The following LRRC7 variants were observed in gnomAD, a reference collection of about 807,000 sequenced individuals.
The protein encoded by LRRC7 is leucine-rich repeat-containing protein 7.
LRRC7 carries 23 observed loss-of-function variants against 175.7 expected under a neutral mutation model. That is an observed-to-expected ratio of 0.13 (90% CI 0.09 to 0.19). The LOEUF (loss-of-function observed/expected upper bound fraction) is 0.19, where lower values mean the gene tolerates loss of function less well. Among genes scored for constraint, LRRC7 ranks in the 10% least tolerant of loss-of-function variants. LRRC7 has a pLI of 1.00. For missense variants in LRRC7, 1,354 were observed against 1,904.7 expected, an observed-to-expected ratio of 0.71 and a Z score of 5.38; for synonymous variants, 685 against 680.9, an observed-to-expected ratio of 1.01 and a Z score of -0.09.
At chr1:69,580,137 G>A (rs1646135992) in intron 1 of LRRC7, among the ~76,000 whole-genome samples, 1 of 152,078 alleles carries the variant, frequency 6.6e-6, no homozygotes, top group Non-Finnish European at 1.5e-5. Flanking sequence ...GGAGTTGTTT[G>A]TTAATAGAGA....
chr1:69,629,562 C>T (rs1417344314), intron 1 of LRRC7, among the ~76,000 whole-genome samples: 4 of 152,106 alleles, frequency 2.6e-5, no homozygotes, highest in East Asian at 3.9e-4. Context: ...TTCAAACACA[C>T]AGAGATTCTA....
chr1:69,800,977 A>AT (rs1676412744), intron 4 of LRRC7, among the ~76,000 whole-genome samples: 1 of 151,792 alleles, frequency 6.6e-6, no homozygotes, highest in Non-Finnish European at 1.5e-5. Flanking sequence ...CTTTTTCTCT[A>AT]TCTATTGAGA....
At chr1:69,958,230 T>C (rs1310325263) in intron 8 of LRRC7, among the ~76,000 whole-genome samples, 1 of 152,006 alleles carries the variant, frequency 6.6e-6, no homozygotes, top group African/African-American at 2.4e-5. Flanking sequence ...TTTTTTCCTC[T>C]CTAATTTGCT....
intron 4 of LRRC7, among the ~76,000 whole-genome samples, chr1:69,808,983 T>A (rs990388602): frequency 2.0e-5 from 3 of 151,918 alleles, no homozygotes; most frequent in African/African-American, 7.3e-5. Context: ...AATCAATGAA[T>A]CCAGGAGCTG....
intron 2 of LRRC7, among the ~76,000 whole-genome samples, chr1:69,685,474 T>C (rs1247109604): frequency 2.0e-5 from 3 of 151,914 alleles, no homozygotes; most frequent in Non-Finnish European, 1.5e-5. Context: ...GACAATTATA[T>C]AATCTCTTGA....
chr1:70,085,205 C>T (rs1186986526), intron 24 of LRRC7, among the ~76,000 whole-genome samples: 1 of 152,006 alleles, frequency 6.6e-6, no homozygotes, highest in Non-Finnish European at 1.5e-5. Context: ...AGAATCATTG[C>T]CTAATCTAAG....
chr1:69,642,535 CTCTT>C (rs142902478), intron 1 of LRRC7, among the ~76,000 whole-genome samples: 1,532 of 152,110 alleles, frequency 0.01, 21 homozygotes, highest in African/African-American at 0.035. Context: ...TGAGGAGTTT[CTCTT>C]TCTTTCTCGT....
rs1667755759 is a variant in LRRC7 at position 69,733,090 on chromosome 1, T to A, written c.101-27101T>A. 2.0e-5 allele frequency among the ~76,000 whole-genome samples: 3 copies of A among 152,122 alleles called. No individual in the cohort carries two copies. The South Asian group carries it at 6.2e-4, about 32-fold the overall frequency. On this transcript the variant is annotated intron_variant, in intron 2 of 26. Coordinates refer to ENST00000651989, the MANE Select transcript of LRRC7 (RefSeq NM_001370785.2). ...CTTATCTATTTAAGACATTTAGAGT[T>A]AGAGAATCACAAAAATGAGGATCAA... is the stretch of plus-strand genomic sequence containing the variant.
rs531014907 is a variant in LRRC7, at chr1:69,875,443, AG to A, written c.647+37161del. On this transcript the variant is annotated intron_variant, in intron 7 of 26. Coordinates refer to ENST00000651989, the MANE Select transcript of LRRC7 (RefSeq NM_001370785.2). ...GTGGAATAACTGTTATCAAAGCTAA[AG>A]TTCTTTAAAACTTAATCAGCAGAAG... Among the ~76,000 whole-genome samples the A allele has an allele frequency of 8.3e-3, 1,263 of 152,210 alleles. 10 individuals carry two copies. The highest frequency in any genetic ancestry group is 0.014 in the Non-Finnish European group (962 of 67,940).
At chr1:69,787,657 C>A (rs1431437872) in intron 3 of LRRC7, among the ~76,000 whole-genome samples, 1 of 152,192 alleles carries the variant, frequency 6.6e-6, no homozygotes, top group Non-Finnish European at 1.5e-5. Flanking sequence ...CTGCACATAG[C>A]ACGGGGCCCT....
intron 23 of LRRC7, among the ~76,000 whole-genome samples, chr1:70,065,697 A>G (rs1661922142): frequency 6.6e-6 from 1 of 151,968 alleles, no homozygotes; most frequent in Admixed American, 6.6e-5. Flanking sequence ...ACAAAGATGA[A>G]TCACAGCAAC....
intron 20 of LRRC7, among the ~76,000 whole-genome samples, chr1:70,036,910 T>C (rs374636831): frequency 2.6e-4 from 40 of 152,312 alleles, no homozygotes; most frequent in African/African-American, 9.4e-4. Context: ...CTGATACTTA[T>C]TGATGAGACA....
intron 1 of LRRC7, among the ~76,000 whole-genome samples, chr1:69,594,137 AAC>A (rs1199832056): frequency 1.3e-5 from 2 of 152,216 alleles, no homozygotes; most frequent in African/African-American, 4.8e-5. Flanking sequence ...CTGTCCGTAT[AAC>A]ATTCAATGAA....
At chr1:69,781,833 GGAA>G in intron 3 of LRRC7, among the ~76,000 whole-genome samples, 1 of 98,508 alleles carries the variant, frequency 1.0e-5, no homozygotes, top group African/African-American at 4.7e-5. Context: ...AAGGAAGGAA[GGAA>G]GGAAGGAAGG....
intron 1 of LRRC7, among the ~76,000 whole-genome samples, chr1:69,586,712 G>C (rs939998225): frequency 6.6e-6 from 1 of 152,154 alleles, no homozygotes. Context: ...TTTGAAAACT[G>C]AACTGTTGAT....
intron 8 of LRRC7, among the ~76,000 whole-genome samples, chr1:69,967,630 T>G (rs1651791947): frequency 6.6e-6 from 1 of 152,168 alleles, no homozygotes; most frequent in South Asian, 2.1e-4. Context: ...ATTATAGGAC[T>G]CTGTACAGAC....
chr1:69,764,670 A>G (rs951872961), intron 3 of LRRC7, among the ~76,000 whole-genome samples: 3 of 151,832 alleles, frequency 2.0e-5, no homozygotes, highest in African/African-American at 7.3e-5. Flanking sequence ...AAACTCGGGA[A>G]GTAACAACAC....
intron 1 of LRRC7, 39 bp downstream of exon 1, chr1:69,568,680 C>CG: frequency 1.1e-6 from 1 of 941,116 alleles, no homozygotes; most frequent in Non-Finnish European, 1.4e-6. Context: ...GAGGGTGCTG[C>CG]GGGGGCCCGG....
Position 70,133,127 on chromosome 1 carries a change from C to G in LRRC7, c.*11240C>G, listed in dbSNP as rs1056846342. Among the ~76,000 whole-genome samples the G allele has an allele frequency of 1.3e-5, 2 of 152,264 alleles. No individual in the cohort carries two copies. The highest frequency in any genetic ancestry group is 2.1e-4 in the South Asian group (1 of 4,824). On this transcript the variant is annotated 3_prime_UTR_variant, in exon 27 of 27. Transcript: ENST00000651989. ...TGTCTGCAGTTCAGAAGAGCCACCACTAGATGGAGACCTCATATCTACATT... is the reference window on the plus strand; with the variant it reads ...TGTCTGCAGTTCAGAAGAGCCACCAGTAGATGGAGACCTCATATCTACATT...
Sources: allele counts gnomAD v4.1 joint callset (sites outside exome capture counted in the v4.1 genomes callset), GRCh38; gene constraint gnomAD v4.1.1; transcripts MANE v1.5; gene names NCBI Gene and HGNC (gene_info 2026-07-23, HGNC 2026-07-21).